The following COL4A3 variants were observed in gnomAD, a reference collection of about 807,000 sequenced individuals.
COL4A3 encodes the protein collagen alpha-3(IV) chain.
A neutral mutation model predicts 217.4 loss-of-function variants in COL4A3; 135 were observed. That is an observed-to-expected ratio of 0.62 (90% CI 0.54 to 0.72). COL4A3 has a LOEUF of 0.72. Among genes scored for constraint, COL4A3 ranks in the 30% least tolerant of loss-of-function variants. COL4A3 has a pLI of 0.00. For synonymous variants in COL4A3, 690 were observed against 736.3 expected, an observed-to-expected ratio of 0.94 and a Z score of 1.02; for missense variants, 1,868 against 2,119.9, an observed-to-expected ratio of 0.88 and a Z score of 2.33.
intron 14 of COL4A3, 52 bp downstream of exon 14, chr2:227,254,226 G>C: frequency 6.7e-7 from 1 of 1,489,320 alleles, no homozygotes. Flanking sequence ...TAGAGCCTTA[G>C]TATTTACTTT....
At chr2:227,172,194 T>G (rs1017263900) in intron 1 of COL4A3, among the ~76,000 whole-genome samples, 7 of 152,222 alleles carry the variant, frequency 4.6e-5, no homozygotes, top group African/African-American at 1.7e-4. Flanking sequence ...CTTCAGGTGT[T>G]TTCATTTCTT....
chr2:227,310,726 T>C (rs763402575), intron 50 of COL4A3, 50 bp from the exon 51 acceptor site: 30 of 1,534,796 alleles, frequency 2.0e-5, no homozygotes, highest in South Asian at 3.4e-5. Flanking sequence ...AATTGAAAAT[T>C]TGAACCCCAA....
chr2:227,172,256 G>T (rs983347128), intron 1 of COL4A3, among the ~76,000 whole-genome samples: 1 of 152,174 alleles, frequency 6.6e-6, no homozygotes, highest in South Asian at 2.1e-4. Context: ...ACTTTACAAA[G>T]ACTGTTCAAT....
rs993874633 is a variant in COL4A3, at chr2:227,203,175, G to A, written c.88-34793G>A. Among the ~76,000 whole-genome samples the A allele has an allele frequency of 4.1e-4, 6 of 14,762 alleles. 1 individual carries two copies. Among genetic ancestry groups the A allele is most frequent in the Admixed American group, 8.9e-4 (1 of 1,122 alleles). 9.7% of individuals were successfully genotyped at this position (14,762 alleles called of 152,430 possible). Reference sequence around the variant, plus strand: ...TATATATACATATATGTGTATATATGTGTATATGTGTGTATATATACATAT... The same window carrying A: ...TATATATACATATATGTGTATATATATGTATATGTGTGTATATATACATAT... On this transcript the variant is annotated intron_variant, in intron 1 of 51. Transcript: ENST00000396578.
chr2:227,173,805 T>A (rs1240644527), intron 1 of COL4A3, among the ~76,000 whole-genome samples: 1 of 152,210 alleles, frequency 6.6e-6, no homozygotes, highest in Non-Finnish European at 1.5e-5. Context: ...TTTTACAGAC[T>A]TTTTTTCCTA....
intron 37 of COL4A3, 48 bp from the exon 38 acceptor site, chr2:227,293,143 C>A (rs1248647948): frequency 2.1e-5 from 34 of 1,611,810 alleles, no homozygotes; most frequent in Non-Finnish European, 2.9e-5. Flanking sequence ...ATTCTTACCA[C>A]ATATCCTGCT....
At chr2:227,309,366 ATGTTACAT>A (rs767527246) in intron 50 of COL4A3, 48 bp downstream of exon 50, 6 of 1,399,664 alleles carry the variant, frequency 4.3e-6, no homozygotes, top group Non-Finnish European at 6.0e-6. Context: ...TACCTGTAGA[ATGTTACAT>A]TGTGCTGGGT....
chr2:227,171,128 A>G (rs1258499745), intron 1 of COL4A3, among the ~76,000 whole-genome samples: 3 of 152,250 alleles, frequency 2.0e-5, no homozygotes, highest in Non-Finnish European at 4.4e-5. Flanking sequence ...GTCAAGGAAC[A>G]GCACACTGCT....
chr2:227,270,087 A>G (rs745902469), intron 24 of COL4A3, 107 bp downstream of exon 24: 19 of 796,706 alleles, frequency 2.4e-5, no homozygotes, highest in African/African-American at 5.1e-5. Context: ...AACAGTAGGC[A>G]CTTAATAGAT....
Position 227,270,861 on chromosome 2 carries a change from C to G in COL4A3, c.1667C>G (p.Pro556Arg). Residue 556 changes from proline to arginine, a missense_variant, in exon 25 of 52, where the codon CCG (proline) becomes CGG (arginine). Pro to Arg is a moderately radical substitution (Grantham distance 103, BLOSUM62 -2). Coordinates refer to ENST00000396578, the MANE Select transcript of COL4A3 (RefSeq NM_000091.5). ...PEGQVGVPGD[P>R]GLRGQPGRKG... Reference sequence around the variant, plus strand: ...GGGCAAGTGGGTGTCCCAGGTGACCCGGGGCTCAGAGGCCAACCTGGGAGA... The same window carrying G: ...GGGCAAGTGGGTGTCCCAGGTGACCGGGGGCTCAGAGGCCAACCTGGGAGA... 1.2e-6 allele frequency: 2 copies of G among 1,614,082 alleles called. No individual in the cohort carries two copies. The highest frequency in any genetic ancestry group is 1.7e-6 in the Non-Finnish European group (2 of 1,180,004).
chr2:227,247,873 G>A (rs1360507958), intron 8 of COL4A3, among the ~76,000 whole-genome samples: 21 of 152,070 alleles, frequency 1.4e-4, no homozygotes, highest in Admixed American at 1.3e-3. Flanking sequence ...TCTAGGGCAG[G>A]GATTGTCACT....
At position 227,314,672 on chromosome 2, in the gene COL4A3, A is replaced by G. The variant is rs1203020911; in HGVS notation, c.*2802A>G. The G allele has an allele frequency of 3.3e-5, 5 of 152,044 alleles. No homozygotes were observed. Among genetic ancestry groups the G allele is most frequent in the Non-Finnish European group, 5.9e-5 (4 of 67,974 alleles). The allele number at this position is 152,044 out of a possible 1,614,324, so 9.4% of individuals were successfully genotyped here. A position where few individuals can be genotyped will look rare whatever the true frequency, so the allele number is the denominator to read the frequency against. ...AATGAAATATATTTAAAATATATTG[A>G]ATATTTTATATTGTTATATCCTGAC... On this transcript the variant is annotated 3_prime_UTR_variant, in exon 52 of 52. Transcript: ENST00000396578.
chr2:227,174,597 C>T (rs1277849029), intron 1 of COL4A3, among the ~76,000 whole-genome samples: 2 of 152,108 alleles, frequency 1.3e-5, no homozygotes, highest in Non-Finnish European at 2.9e-5. Flanking sequence ...AGCTCCACCT[C>T]CCAGGTTCAA....
intron 1 of COL4A3, among the ~76,000 whole-genome samples, chr2:227,229,831 G>A (rs958354382): frequency 2.0e-5 from 3 of 152,068 alleles, no homozygotes; most frequent in African/African-American, 7.2e-5. Flanking sequence ...AGTGGATCAC[G>A]AGGTCAGGAG....
intron 1 of COL4A3, among the ~76,000 whole-genome samples, chr2:227,173,101 T>A (rs929945534): frequency 1.3e-5 from 2 of 152,062 alleles, no homozygotes; most frequent in Non-Finnish European, 2.9e-5. Context: ...GCCTTAAAAC[T>A]CTTTAACTGA....
At chr2:227,289,863 G>C (rs995386684) in intron 35 of COL4A3, 136 bp from the exon 36 acceptor site, 22 of 771,076 alleles carry the variant, frequency 2.9e-5, no homozygotes, top group Non-Finnish European at 4.0e-5. Context: ...GAAGGAAAAA[G>C]GACAGCTAGA....
intron 1 of COL4A3, among the ~76,000 whole-genome samples, chr2:227,228,065 G>C (rs1449600888): frequency 6.6e-6 from 1 of 152,202 alleles, no homozygotes; most frequent in African/African-American, 2.4e-5. Context: ...TTAGTAATCT[G>C]TATGCTTGCT....
At chr2:227,182,484 T>G (rs1224544232) in intron 1 of COL4A3, among the ~76,000 whole-genome samples, 1 of 152,236 alleles carries the variant, frequency 6.6e-6, no homozygotes, top group Non-Finnish European at 1.5e-5. Context: ...TCATTCATTT[T>G]TAATGACCTC....
chr2:227,194,678 CA>C (rs1217787068), intron 1 of COL4A3, among the ~76,000 whole-genome samples: 4 of 151,760 alleles, frequency 2.6e-5, no homozygotes, highest in African/African-American at 9.7e-5. Flanking sequence ...TTCTTAAATT[CA>C]AATATAAAAA....
Sources: allele counts gnomAD v4.1 joint callset (sites outside exome capture counted in the v4.1 genomes callset), GRCh38; gene constraint gnomAD v4.1.1; transcripts MANE v1.5; gene names NCBI Gene and HGNC (gene_info 2026-07-23, HGNC 2026-07-21).